AGAP1: variants seen among roughly 807,000 people sequenced by gnomAD.
The protein encoded by AGAP1 is ArfGAP with GTPase domain, ankyrin repeat and PH domain 1.
Under a neutral mutation model 105.3 loss-of-function variants are expected in AGAP1, and 29 were observed. That is an observed-to-expected ratio of 0.28 (90% CI 0.21 to 0.38). The LOEUF is 0.38. Among genes scored for constraint, AGAP1 ranks in the 10% least tolerant of loss-of-function variants. AGAP1 has a pLI of 1.00. For synonymous variants in AGAP1, 509 were observed against 485.9 expected, an observed-to-expected ratio of 1.05 and a Z score of -0.63; for missense variants, 998 against 1,165.1, an observed-to-expected ratio of 0.86 and a Z score of 2.09.
At chr2:235,543,576 G>A (rs1943525093) in intron 1 of AGAP1, among the ~76,000 whole-genome samples, 1 of 152,320 alleles carries the variant, frequency 6.6e-6, no homozygotes, top group Non-Finnish European at 1.5e-5. Context: ...GGCCGGGGGT[G>A]TTTCCCCGGC....
At chr2:236,016,645 G>T (rs1195921537) in intron 13 of AGAP1, among the ~76,000 whole-genome samples, 1 of 152,184 alleles carries the variant, frequency 6.6e-6, no homozygotes, top group Non-Finnish European at 1.5e-5. Flanking sequence ...GAACTTCTCA[G>T]CCTTAGCTTC....
In AGAP1 at chr2:236,080,429, C is replaced by G. The variant is rs982231810; in HGVS notation, c.2114+31148C>G. 2.6e-5 allele frequency among the ~76,000 whole-genome samples: 4 copies of G among 152,160 alleles called. No individual in the cohort carries two copies. The highest frequency in any genetic ancestry group is 5.9e-5 in the Non-Finnish European group (4 of 68,038). On this transcript the variant is annotated intron_variant, in intron 16 of 17. Coordinates refer to ENST00000304032, the MANE Select transcript of AGAP1 (RefSeq NM_001037131.3). This position sits in a 1 kb window ranked among gnomAD's most constrained non-coding sequence, Gnocchi z 4.2. The stretch of plus-strand genomic sequence containing the variant: ...GTTTGCAACCAGACAAGTTTAGAGG[C>G]CTGTGGAATTCCCAGGCCAAGGGAA...
In AGAP1 at chr2:236,005,900, T is replaced by C. The variant is rs540345331; in HGVS notation, c.1646-30661T>C. ...GGTAGTGTCTGTCAAGTTATTCTGC[T>C]GTAAAGTCATTGTGCCCCTCCACAG... On this transcript the variant is annotated intron_variant, in intron 13 of 17. Coordinates refer to ENST00000304032, the MANE Select transcript of AGAP1 (RefSeq NM_001037131.3). The surrounding 1 kb of genome is among the most constrained non-coding windows in gnomAD (Gnocchi z 4.1). Among the ~76,000 whole-genome samples, 8 of 152,356 alleles carry C rather than the reference T, an allele frequency of 5.3e-5. No individual in the cohort carries two copies. Among genetic ancestry groups the C allele is most frequent in the African/African-American group, 1.9e-4 (8 of 41,590 alleles).
At chr2:236,037,243 T>C (rs1177635905) in intron 14 of AGAP1, 1 of 152,438 alleles carries the variant, frequency 6.6e-6, no homozygotes, top group African/African-American at 2.4e-5. Context: ...TATTCAATAA[T>C]TAGAGGTGGT....
rs377175791 is a variant in AGAP1 at position 235,740,834 on chromosome 2, A to G, written c.311-129A>G. On this transcript the variant is annotated intron_variant, in intron 3 of 17. Transcript: ENST00000304032. The surrounding 1 kb of genome is among the most constrained non-coding windows in gnomAD (Gnocchi z 5.7). ...TTAAAATTCAGCATTTGCTGGCAAC[A>G]TCCTAAATACTCAGTTGCCTCCAGG... The G allele has an allele frequency of 4.8e-4, 487 of 1,009,932 alleles. 1 individual carries two copies. The highest frequency in any genetic ancestry group is 7.5e-4 in the South Asian group (43 of 57,154). The allele number at this position is 1,009,932 out of a possible 1,614,324, so 62.6% of individuals were successfully genotyped here. A position where few individuals can be genotyped will look rare whatever the true frequency, so the allele number is the denominator to read the frequency against.
At chr2:235,808,444 C>T (rs1331138800) in intron 9 of AGAP1, among the ~76,000 whole-genome samples, 1 of 152,154 alleles carries the variant, frequency 6.6e-6, no homozygotes, top group African/African-American at 2.4e-5. Flanking sequence ...AATAGGAACG[C>T]AGCCTTAGAG....
chr2:235,616,878 G>GT (rs1336480594), intron 1 of AGAP1, among the ~76,000 whole-genome samples: 1 of 152,138 alleles, frequency 6.6e-6, no homozygotes, highest in Admixed American at 6.5e-5. Flanking sequence ...GAGGAGGGGT[G>GT]TATCTTGTAA....
chr2:235,812,496 A>G (rs1958203824), intron 9 of AGAP1, among the ~76,000 whole-genome samples: 2 of 152,230 alleles, frequency 1.3e-5, no homozygotes, highest in East Asian at 3.9e-4. Flanking sequence ...CCTGGGATCA[A>G]CACGAGGGGT....
Position 236,000,545 on chromosome 2 carries a change from C to G in AGAP1, c.1645+31922C>G, listed in dbSNP as rs562511705. ...GCATCCCCCACCCCCCAAGCCTGTT[C>G]CTAGAAGGCCATGGCGCACCTGCTC... On this transcript the variant is annotated intron_variant, in intron 13 of 17. Transcript: ENST00000304032. The surrounding 1 kb of genome is among the most constrained non-coding windows in gnomAD (Gnocchi z 4.3). 6.6e-6 allele frequency among the ~76,000 whole-genome samples: 1 copy of G among 152,294 alleles called. No individual in the cohort carries two copies. The highest frequency in any genetic ancestry group is 6.5e-5 in the Admixed American group (1 of 15,306).
At chr2:235,554,404 A>G (rs896959476) in intron 1 of AGAP1, among the ~76,000 whole-genome samples, 2 of 152,180 alleles carry the variant, frequency 1.3e-5, no homozygotes, top group Non-Finnish European at 2.9e-5. Context: ...GAGATGGGGC[A>G]CCTGTGCCCG....
chr2:235,816,035 A>T (rs1958432317), intron 9 of AGAP1, among the ~76,000 whole-genome samples: 1 of 152,168 alleles, frequency 6.6e-6, no homozygotes, highest in Non-Finnish European at 1.5e-5. Flanking sequence ...GCAGGTGCTC[A>T]CTGTCCGTCA....
chr2:235,605,538 C>G (rs1176441234), intron 1 of AGAP1, among the ~76,000 whole-genome samples: 3 of 152,238 alleles, frequency 2.0e-5, no homozygotes, highest in African/African-American at 7.2e-5. Flanking sequence ...CTTCTCCCTA[C>G]CTTGTTGCCA....
Position 236,069,250 on chromosome 2 carries a change from G to A in AGAP1, c.2114+19969G>A, listed in dbSNP as rs562669649. ...ATTATATAAAATACATGATTTTGTC[G>A]TGTACACGTGACAATGCAATGTAAA... On this transcript the variant is annotated intron_variant, in intron 16 of 17. Transcript: ENST00000304032. Among the ~76,000 whole-genome samples, 16 of 151,972 alleles carry A rather than the reference G, an allele frequency of 1.1e-4. No individual in the cohort carries two copies. In the East Asian group the frequency reaches 1.4e-3, roughly 13 times the overall value.
At chr2:235,512,633 G>A (rs1015325439) in intron 1 of AGAP1, among the ~76,000 whole-genome samples, 13 of 152,192 alleles carry the variant, frequency 8.5e-5, no homozygotes, top group East Asian at 3.9e-4. Context: ...ATCCATGCGC[G>A]TCCTCCCCCA....
intron 16 of AGAP1, among the ~76,000 whole-genome samples, chr2:236,115,675 C>T (rs752159932): frequency 1.3e-5 from 2 of 152,206 alleles, no homozygotes; most frequent in Non-Finnish European, 2.9e-5. Flanking sequence ...CAGCTGCTAA[C>T]AAGAATCACG....
At chr2:235,918,613 T>A (rs2052019228) in intron 11 of AGAP1, among the ~76,000 whole-genome samples, 1 of 152,246 alleles carries the variant, frequency 6.6e-6, no homozygotes, top group Admixed American at 6.5e-5. Flanking sequence ...TGTAAACTCT[T>A]TGAGGCATAC....
rs1953363498 is a variant in AGAP1, at chr2:235,750,830, A to G, written c.673+342A>G. Among the ~76,000 whole-genome samples, 1 of 152,060 alleles carries G rather than the reference A, an allele frequency of 6.6e-6. No individual in the cohort carries two copies. Among genetic ancestry groups the G allele is most frequent in the Non-Finnish European group, 1.5e-5 (1 of 68,028 alleles). ...TGTTTGTGAGCATTTCTTTATTGTAATTGCCCATTCTTAATCCAGTCCCGT... is the reference window on the plus strand; with the variant it reads ...TGTTTGTGAGCATTTCTTTATTGTAGTTGCCCATTCTTAATCCAGTCCCGT... On this transcript the variant is annotated intron_variant, in intron 6 of 17. Transcript: ENST00000304032. The surrounding 1 kb of genome is among the most constrained non-coding windows in gnomAD (Gnocchi z 5.3).
rs79104087 is a variant in AGAP1 at position 235,574,247 on chromosome 2, G to A, written c.163+79398G>A. Among the ~76,000 whole-genome samples, 2,757 of 152,280 alleles carry A rather than the reference G, an allele frequency of 0.018. 79 individuals are homozygous for A. The highest frequency in any genetic ancestry group is 0.063 in the African/African-American group (2,620 of 41,558). On this transcript the variant is annotated intron_variant, in intron 1 of 17. Transcript: ENST00000304032. The surrounding 1 kb of genome is among the most constrained non-coding windows in gnomAD (Gnocchi z 5.0). ...TTGTTTGGATAATCATCCTAAAAAC[G>A]CCTCTGAGATCCACCCCCACTCCTG...
At chr2:235,831,932 A>G (rs955628736) in intron 9 of AGAP1, among the ~76,000 whole-genome samples, 2 of 152,206 alleles carry the variant, frequency 1.3e-5, no homozygotes, top group African/African-American at 4.8e-5. Flanking sequence ...TCCACCAGCA[A>G]TGGATGAGAG....
Sources: gnomAD v4.1 joint callset for allele counts (sites outside exome capture counted in the v4.1 genomes callset) on GRCh38, gnomAD v4.1.1 for gene constraint, Gnocchi (gnomAD v3.1) non-coding constraint, MANE v1.5 for transcripts, NCBI Gene and HGNC (gene_info 2026-07-23, HGNC 2026-07-21) for gene names.